Variants in KMT2C observed in about 807,000 individuals in gnomAD.
KMT2C encodes the protein lysine methyltransferase 2C.
Under a neutral mutation model 507.9 loss-of-function variants are expected in KMT2C, and 88 were observed. That is an observed-to-expected ratio of 0.17 (90% CI 0.15 to 0.21). The LOEUF (loss-of-function observed/expected upper bound fraction) is 0.21, where lower values mean the gene tolerates loss of function less well. Ranked by LOEUF, KMT2C falls within the 10% of genes least tolerant of loss-of-function variation. KMT2C has a pLI of 1.00. For synonymous variants in KMT2C, 2,049 were observed against 2,080.8 expected, an observed-to-expected ratio of 0.98 and a Z score of 0.42; for missense variants, 4,954 against 5,957.8, an observed-to-expected ratio of 0.83 and a Z score of 5.55.
At chr7:152,261,212 A>C (rs1459804971) in intron 9 of KMT2C, among the ~76,000 whole-genome samples, 6 of 152,412 alleles carry the variant, frequency 3.9e-5, no homozygotes, top group Non-Finnish European at 8.8e-5. Context: ...GCAAAGCAAA[A>C]TACCTGCCCT....
intron 23 of KMT2C, among the ~76,000 whole-genome samples, chr7:152,217,770 T>C (rs2094622609): frequency 6.6e-6 from 1 of 152,226 alleles, no homozygotes; most frequent in African/African-American, 2.4e-5. Flanking sequence ...TTACAAGTGG[T>C]AGTCACAAGG....
intron 2 of KMT2C, among the ~76,000 whole-genome samples, chr7:152,331,607 TCAA>T (rs368990623): frequency 0.057 from 7,647 of 134,208 alleles, 730 homozygotes; most frequent in African/African-American, 0.2. Context: ...AGATCCTACC[TCAA>T]CAACAACAAC....
intron 1 of KMT2C, among the ~76,000 whole-genome samples, chr7:152,408,611 C>A (rs2097647468): frequency 6.6e-6 from 1 of 152,126 alleles, no homozygotes; most frequent in African/African-American, 2.4e-5. Context: ...GTGAACTGCA[C>A]AAGCAAGGGA....
intron 43 of KMT2C, among the ~76,000 whole-genome samples, chr7:152,161,524 T>C (rs778679206): frequency 9.2e-5 from 14 of 152,138 alleles, no homozygotes; most frequent in Non-Finnish European, 1.6e-4. Flanking sequence ...GACAGATTCT[T>C]GTAAAGGTAT....
chr7:152,358,124 T>C (rs1341241530), intron 2 of KMT2C, among the ~76,000 whole-genome samples: 1 of 152,228 alleles, frequency 6.6e-6, no homozygotes, highest in African/African-American at 2.4e-5. Flanking sequence ...GCAGCTTATT[T>C]AAGGGCACCT....
At position 152,208,744 on chromosome 7, in the gene KMT2C, AT is replaced by A. The variant is rs796069482; in HGVS notation, c.3713-1317del. 2.5e-3 allele frequency among the ~76,000 whole-genome samples: 384 copies of A among 152,356 alleles called. 4 individuals are homozygous for A. The highest frequency in any genetic ancestry group is 8.7e-3 in the African/African-American group (360 of 41,584). ...TCCTTCAATATTCTCAGTATTAGAGATAACATATTTCAGTAATGGCATGAAC... is the reference window on the plus strand; with the variant it reads ...TCCTTCAATATTCTCAGTATTAGAGAAACATATTTCAGTAATGGCATGAAC... On this transcript the variant is annotated intron_variant, in intron 23 of 58. Coordinates refer to ENST00000262189, the MANE Select transcript of KMT2C (RefSeq NM_170606.3).
intron 27 of KMT2C, among the ~76,000 whole-genome samples, chr7:152,198,240 T>G (rs2094023050): frequency 6.6e-6 from 1 of 152,166 alleles, no homozygotes; most frequent in African/African-American, 2.4e-5. Context: ...CTACCAACAA[T>G]GAGGCAGACT....
chr7:152,264,899 T>C, intron 8 of KMT2C, 139 bp downstream of exon 8: 1 of 930,916 alleles, frequency 1.1e-6, no homozygotes, highest in Non-Finnish European at 1.4e-6. Flanking sequence ...TCCAGTAATT[T>C]TTTTAAGTAT....
chr7:152,158,523 T>G (rs1175201590), intron 44 of KMT2C, among the ~76,000 whole-genome samples: 3 of 144,410 alleles, frequency 2.1e-5, no homozygotes, highest in African/African-American at 7.8e-5. Context: ...TTTTTTTTTG[T>G]TTTTTTTTTT....
At chr7:152,343,532 C>T (rs2097021022) in intron 2 of KMT2C, among the ~76,000 whole-genome samples, 1 of 143,578 alleles carries the variant, frequency 7.0e-6, no homozygotes, top group African/African-American at 2.6e-5. Flanking sequence ...CAAAAAGAGA[C>T]AAAAGAGAGG....
chr7:152,139,827 G>A (rs2090322115), intron 55 of KMT2C, 36 bp from the exon 56 acceptor site: 3 of 1,425,320 alleles, frequency 2.1e-6, no homozygotes, highest in Non-Finnish European at 3.0e-6. Context: ...CAATTTATGT[G>A]ACAACAAGTC....
chr7:152,368,034 G>A (rs2097261475), intron 1 of KMT2C: 5 of 845,556 alleles, frequency 5.9e-6, no homozygotes. Context: ...TCCAGAAATA[G>A]ATGATGAAGA....
intron 27 of KMT2C, among the ~76,000 whole-genome samples, chr7:152,198,904 C>T (rs28720800): frequency 0.042 from 6,360 of 152,106 alleles, 457 homozygotes; most frequent in African/African-American, 0.14. Context: ...TTCCCAAGTA[C>T]CCCCACATCC....
At chr7:152,328,213 T>C (rs2096848668) in intron 3 of KMT2C, among the ~76,000 whole-genome samples, 1 of 152,188 alleles carries the variant, frequency 6.6e-6, no homozygotes, top group Non-Finnish European at 1.5e-5. Flanking sequence ...TTTGAAAATG[T>C]TCAAACCTCC....
intron 31 of KMT2C, among the ~76,000 whole-genome samples, chr7:152,191,833 G>T (rs1489395780): frequency 6.6e-6 from 1 of 152,162 alleles, no homozygotes; most frequent in Admixed American, 6.5e-5. Flanking sequence ...TATGTAACTT[G>T]ATCATGCTTT....
intron 1 of KMT2C, among the ~76,000 whole-genome samples, chr7:152,381,475 T>A (rs927917675): frequency 6.6e-6 from 1 of 152,138 alleles, no homozygotes; most frequent in Non-Finnish European, 1.5e-5. Context: ...GTCCAAAATG[T>A]CAACAGTGCC....
intron 6 of KMT2C, among the ~76,000 whole-genome samples, chr7:152,297,051 AAGACAGAGAGAGAGAGAGAG>A (rs1356622973): frequency 1.3e-4 from 8 of 60,272 alleles, no homozygotes; most frequent in African/African-American, 4.1e-4. Context: ...GAAAGAAAGA[AAGACAGAGAGAGAGAGAGAG>A]AGAGAGAGAG....
intron 7 of KMT2C, 107 bp from the exon 8 acceptor site, chr7:152,265,316 T>A: frequency 1.3e-6 from 2 of 1,497,890 alleles, no homozygotes; most frequent in South Asian, 1.2e-5. Context: ...CTTTCAGACA[T>A]TTGAAGTTAT....
Position 152,194,428 on chromosome 7 carries a change from C to A in KMT2C, c.4507+12G>T. ...TCTTTTAGAAAGCCTAGATGTAGGG[C>A]AAATATTTTACCATCTGTGACCATT... On this transcript the variant is annotated intron_variant, in intron 29 of 58. Transcript: ENST00000262189. 6.2e-7 allele frequency: 1 copy of A among 1,612,360 alleles called. No individual in the cohort carries two copies. Among genetic ancestry groups the A allele is most frequent in the Non-Finnish European group, 8.5e-7 (1 of 1,178,854 alleles).
Sources: allele counts gnomAD v4.1 joint callset (sites outside exome capture counted in the v4.1 genomes callset), GRCh38; gene constraint gnomAD v4.1.1; transcripts MANE v1.5; gene names NCBI Gene and HGNC (gene_info 2026-07-23, HGNC 2026-07-21).